FAM149B1: variants seen among roughly 807,000 people sequenced by gnomAD.
FAM149B1 encodes the protein family with sequence similarity 149 member B1.
FAM149B1 carries 56 observed loss-of-function variants against 75.3 expected under a neutral mutation model. The observed-to-expected ratio is 0.74, with a 90% confidence interval of 0.60 to 0.93. FAM149B1 has a LOEUF of 0.93. Among genes scored for constraint, FAM149B1 ranks in the 40% least tolerant of loss-of-function variants. FAM149B1 has a pLI of 0.00. For synonymous variants in FAM149B1, 259 were observed against 256.1 expected, an observed-to-expected ratio of 1.01 and a Z score of -0.11; for missense variants, 639 against 708.4, an observed-to-expected ratio of 0.90 and a Z score of 1.11.
At chr10:73,182,211 C>CTTTT (rs1193905747) in intron 3 of FAM149B1, among the ~76,000 whole-genome samples, 7 of 109,386 alleles carry the variant, frequency 6.4e-5, no homozygotes, top group East Asian at 2.9e-4. Context: ...CAGTCTGTGT[C>CTTTT]TTTTTTTTTT....
chr10:73,235,604 A>G (rs2043803541), intron 12 of FAM149B1: 1 of 431,392 alleles, frequency 2.3e-6, no homozygotes, highest in Non-Finnish European at 3.8e-6. Context: ...CACATCAGAT[A>G]AGCATAACTT....
Position 73,243,751 on chromosome 10 carries a change from TAAAAG to T in FAM149B1, c.*2735_*2739del, listed in dbSNP as rs925543453. On this transcript the variant is annotated 3_prime_UTR_variant, in exon 14 of 14. Transcript: ENST00000242505. ...AAATAGAAGGTATGCGGTTATGTCTTAAAAGAAGAAAACAAAATACAACATTCCAA... is the reference window on the plus strand; with the variant it reads ...AAATAGAAGGTATGCGGTTATGTCTTAAGAAAACAAAATACAACATTCCAA... The T allele has an allele frequency of 5.4e-6, 7 of 1,308,320 alleles. No homozygotes were observed. Among genetic ancestry groups the T allele is most frequent in the Middle Eastern group, 2.1e-4 (1 of 4,824 alleles). 81.0% of individuals were successfully genotyped at this position (1,308,320 alleles called of 1,614,324 possible). A position where few individuals can be genotyped will look rare whatever the true frequency, so the allele number is the denominator to read the frequency against.
chr10:73,242,395 T>A lies in FAM149B1; in HGVS notation c.*1376T>A, dbSNP rs886693864. ...GTTCACTATAACAACTGGATCAATA[T>A]GGCTTGCCTTTCAAAGTTAAAGAAT... On this transcript the variant is annotated 3_prime_UTR_variant, in exon 14 of 14. Transcript: ENST00000242505. 1.3e-5 allele frequency: 2 copies of A among 151,144 alleles called. No homozygotes were observed. Among genetic ancestry groups the A allele is most frequent in the African/African-American group, 2.4e-5 (1 of 40,930 alleles). The allele number at this position is 151,144 out of a possible 1,614,324, so 9.4% of individuals were successfully genotyped here.
chr10:73,237,966 TA>T (rs140492282), intron 12 of FAM149B1, among the ~76,000 whole-genome samples: 2 of 151,264 alleles, frequency 1.3e-5, no homozygotes, highest in Admixed American at 6.6e-5. Context: ...TTAAGTTTAT[TA>T]AAAAAAAAGT....
chr10:73,182,111 C>A (rs1023412086), intron 3 of FAM149B1, among the ~76,000 whole-genome samples: 1 of 151,284 alleles, frequency 6.6e-6, no homozygotes, highest in South Asian at 2.1e-4. Flanking sequence ...TTTTCCATCC[C>A]TTTATTTTCA....
At chr10:73,199,269 G>A (rs971649070) in intron 5 of FAM149B1, among the ~76,000 whole-genome samples, 14 of 152,014 alleles carry the variant, frequency 9.2e-5, no homozygotes, top group African/African-American at 3.4e-4. Context: ...CCAGGCTGGA[G>A]TGCAGTGGCA....
intron 3 of FAM149B1, among the ~76,000 whole-genome samples, chr10:73,179,881 A>G (rs1304173106): frequency 6.6e-6 from 1 of 152,122 alleles, no homozygotes; most frequent in African/African-American, 2.4e-5. Flanking sequence ...TCTGAATGTT[A>G]TATAATATTT....
intron 1 of FAM149B1, 61 bp downstream of exon 1, chr10:73,168,447 T>G (rs1843549269): frequency 2.6e-6 from 4 of 1,535,008 alleles, no homozygotes; most frequent in Non-Finnish European, 3.5e-6. Context: ...GGGACCCTCC[T>G]TGACCAGTCC....
At chr10:73,219,307 A>G (rs1300119096) in intron 7 of FAM149B1, among the ~76,000 whole-genome samples, 1 of 152,194 alleles carries the variant, frequency 6.6e-6, no homozygotes, top group Non-Finnish European at 1.5e-5. Context: ...TGAAGGCTTA[A>G]TATTGTTAAG....
intron 1 of FAM149B1, among the ~76,000 whole-genome samples, chr10:73,171,494 C>A (rs1015456747): frequency 6.6e-6 from 1 of 152,066 alleles, no homozygotes; most frequent in Non-Finnish European, 1.5e-5. Flanking sequence ...TTTCAACATA[C>A]AGCTTAACAT....
In FAM149B1 at chr10:73,243,561, A is replaced by G. The variant is rs1269164789; in HGVS notation, c.*2542A>G. The G allele has an allele frequency of 6.2e-7, 1 of 1,611,892 alleles. No homozygotes were observed. Among genetic ancestry groups the G allele is most frequent in the African/African-American group, 1.3e-5 (1 of 74,764 alleles). ...AACACAAGCTTTCACAACATTATCC[A>G]TAGACAGAAAGTACCTAGTGGTTGC... is the stretch of plus-strand genomic sequence containing the variant. On this transcript the variant is annotated 3_prime_UTR_variant, in exon 14 of 14. Coordinates refer to ENST00000242505, the MANE Select transcript of FAM149B1 (RefSeq NM_173348.2).
At chr10:73,230,230 GA>G in intron 8 of FAM149B1, 191 bp from the exon 9 acceptor site, 1 of 499,140 alleles carries the variant, frequency 2.0e-6, no homozygotes. Flanking sequence ...GAATGGAGAG[GA>G]AAGGAGGGAC....
At chr10:73,200,963 G>A (rs2042920511) in intron 5 of FAM149B1, 1 of 433,340 alleles carries the variant, frequency 2.3e-6, no homozygotes. Flanking sequence ...AGGGAATTCT[G>A]ATCAGGGTCA....
At chr10:73,173,650 A>G (rs1335522662) in intron 1 of FAM149B1, among the ~76,000 whole-genome samples, 4 of 152,220 alleles carry the variant, frequency 2.6e-5, no homozygotes, top group African/African-American at 9.6e-5. Flanking sequence ...ACTCCCCAGA[A>G]CTTAACCACT....
chr10:73,230,904 A>ATGAT (rs2043678866), intron 9 of FAM149B1: 1 of 160,188 alleles, frequency 6.2e-6, no homozygotes, highest in Non-Finnish European at 1.4e-5. Context: ...GGTAGGAGGA[A>ATGAT]TGATATGGGG....
intron 5 of FAM149B1, among the ~76,000 whole-genome samples, chr10:73,207,785 C>G (rs1250806706): frequency 1.3e-5 from 2 of 152,126 alleles, no homozygotes; most frequent in Non-Finnish European, 2.9e-5. Context: ...TGTAGCCCCT[C>G]TCTTTTGGAA....
chr10:73,204,911 G>A lies in FAM149B1; in HGVS notation c.543-3708G>A, dbSNP rs534020164. ...TCCTGCCTCAGCCTCCCAAAGTGCT[G>A]GGACTACAGGCACCCGCCACCATGC... On this transcript the variant is annotated intron_variant, in intron 5 of 13. Coordinates refer to ENST00000242505, the MANE Select transcript of FAM149B1 (RefSeq NM_173348.2). Among the ~76,000 whole-genome samples the A allele has an allele frequency of 2.8e-4, 36 of 130,068 alleles. No homozygotes were observed. In the South Asian group the frequency reaches 8.5e-3, roughly 31 times the overall value. The allele number at this position is 130,068 out of a possible 152,430, so 85.3% of individuals were successfully genotyped here.
In FAM149B1 at chr10:73,235,261, A is replaced by G. The variant is rs538621504; in HGVS notation, c.1545A>G (p.Gln515=). 1.3e-6 allele frequency: 2 copies of G among 1,552,106 alleles called. No homozygotes were observed. The highest frequency in any genetic ancestry group is 1.2e-5 in the South Asian group (1 of 84,062). The change falls in exon 12 of 14, where the codon CAA becomes CAG. Residue 515 remains glutamine, a synonymous_variant. Transcript: ENST00000242505. ...VVDEPNYQQP[Q]ERLLLPDFFP... Reference sequence around the variant, plus strand: ...ATGAACCTAACTATCAGCAGCCACAAGAAAGGCTCCTTTTGCCCGACTTTT... The same window carrying G: ...ATGAACCTAACTATCAGCAGCCACAGGAAAGGCTCCTTTTGCCCGACTTTT...
At chr10:73,196,409 G>A (rs1174931619) in intron 5 of FAM149B1, among the ~76,000 whole-genome samples, 2 of 151,852 alleles carry the variant, frequency 1.3e-5, no homozygotes, top group Non-Finnish European at 2.9e-5. Context: ...GCAGCCTTGA[G>A]CTCCTGGCCT....
Sources: gnomAD v4.1 joint callset for allele counts (sites outside exome capture counted in the v4.1 genomes callset) on GRCh38, gnomAD v4.1.1 for gene constraint, MANE v1.5 for transcripts, NCBI Gene and HGNC (gene_info 2026-07-23, HGNC 2026-07-21) for gene names.